PCDHA10: variants seen among roughly 807,000 people sequenced by gnomAD.
PCDHA10 encodes the protein protocadherin alpha 10.
In PCDHA10, 45 loss-of-function variants were observed where a neutral mutation model predicts 61.2. The observed-to-expected ratio is 0.74, with a 90% CI of 0.58 to 0.94. PCDHA10 has a LOEUF of 0.94. Ranked by LOEUF, PCDHA10 falls within the 40% of genes least tolerant of loss-of-function variation. The probability of loss-of-function intolerance (pLI) is 0.00; values close to 1 mark genes in which losing one functional copy is unlikely to be tolerated. For synonymous variants in PCDHA10, 602 were observed against 548.8 expected, an observed-to-expected ratio of 1.10 and a Z score of -1.35; for missense variants, 1,278 against 1,236.2, an observed-to-expected ratio of 1.03 and a Z score of -0.51.
At chr5:140,915,841 G>A (rs1315300132) in intron 1 of PCDHA10, among the ~76,000 whole-genome samples, 1 of 152,098 alleles carries the variant, frequency 6.6e-6, no homozygotes, top group African/African-American at 2.4e-5. Context: ...GATCAGCAGG[G>A]GGTGACACCA....
At chr5:140,903,149 T>C (rs1329505317) in intron 1 of PCDHA10, among the ~76,000 whole-genome samples, 1 of 152,242 alleles carries the variant, frequency 6.6e-6, no homozygotes, top group Non-Finnish European at 1.5e-5. Context: ...CTGTTTTCCA[T>C]AGTGGTTGTG....
chr5:140,952,913 A>G (rs1013502361), intron 1 of PCDHA10, among the ~76,000 whole-genome samples: 6 of 152,092 alleles, frequency 3.9e-5, no homozygotes, highest in African/African-American at 1.4e-4. Flanking sequence ...CTCATCTTAC[A>G]TGGCATGAGC....
At chr5:140,931,817 C>A (rs2087768963) in intron 1 of PCDHA10, among the ~76,000 whole-genome samples, 1 of 151,876 alleles carries the variant, frequency 6.6e-6, no homozygotes, top group Non-Finnish European at 1.5e-5. Context: ...GAAAAGAATT[C>A]TTGTCATAGT....
chr5:140,866,062 C>T (rs1312576527), intron 1 of PCDHA10: 2 of 152,092 alleles, frequency 1.3e-5, no homozygotes, highest in Non-Finnish European at 2.9e-5. Context: ...ATCAATGCCA[C>T]ACTGAGATAG....
intron 1 of PCDHA10, among the ~76,000 whole-genome samples, chr5:140,872,278 AAAGTT>A (rs2053578296): frequency 6.6e-6 from 1 of 152,138 alleles, no homozygotes; most frequent in Non-Finnish European, 1.5e-5. Context: ...TTTGAAGAAA[AAAGTT>A]AAGCCTTGCA....
intron 1 of PCDHA10, among the ~76,000 whole-genome samples, chr5:140,907,552 C>A (rs576974083): frequency 1.4e-4 from 21 of 152,278 alleles, no homozygotes; most frequent in Admixed American, 1.3e-3. Flanking sequence ...GGAAGAGGTC[C>A]AATATAATCA....
intron 1 of PCDHA10, chr5:140,859,106 A>G (rs2045724264): frequency 6.7e-6 from 1 of 150,166 alleles, no homozygotes; most frequent in African/African-American, 2.4e-5. Context: ...CACTTAGCAG[A>G]AGAAAATGTA....
At chr5:140,968,332 C>T (rs2096240603) in intron 1 of PCDHA10, 2 of 1,614,158 alleles carry the variant, frequency 1.2e-6, no homozygotes, top group Non-Finnish European at 1.7e-6. Flanking sequence ...CCTCCTATGT[C>T]TCCATTAACA....
At chr5:140,927,868 C>T (rs782143210) in intron 1 of PCDHA10, 2 of 1,614,220 alleles carry the variant, frequency 1.2e-6, no homozygotes, top group Admixed American at 1.7e-5. Flanking sequence ...CACCGCTAAA[C>T]TGCTGGTGGA....
chr5:140,982,582 T>C lies in PCDHA10; in HGVS notation c.2536+19T>C. On this transcript the variant is annotated intron_variant, in intron 3 of 3. Transcript: ENST00000307360. ...ACACCAGGTAAAGAGCTGGGGTCTC[T>C]CCATTCTTTCTTGGTTTCTGGAAAG... 6.2e-7 allele frequency: 1 copy of C among 1,612,148 alleles called. No homozygotes were observed. Among genetic ancestry groups the C allele is most frequent in the Non-Finnish European group, 8.5e-7 (1 of 1,178,720 alleles).
Position 140,884,307 on chromosome 5 carries a change from C to T in PCDHA10, c.2388+25871C>T, listed in dbSNP as rs144612735. 3,633 of 1,613,724 alleles carry T rather than the reference C, an allele frequency of 2.3e-3. 15 individuals are homozygous for T. The highest frequency in any genetic ancestry group is 9.6e-3 in the Middle Eastern group (58 of 6,062). Reference sequence around the variant, plus strand: ...AGCGGCCAAGCGCCACAGGCTTCGTCGAGGGCGTCGGCAGGCGCTGTGGGT... The same window carrying T: ...AGCGGCCAAGCGCCACAGGCTTCGTTGAGGGCGTCGGCAGGCGCTGTGGGT... On this transcript the variant is annotated intron_variant, in intron 1 of 3. Transcript: ENST00000307360.
chr5:140,916,621 C>T (rs1031371866), intron 1 of PCDHA10, among the ~76,000 whole-genome samples: 8 of 152,200 alleles, frequency 5.3e-5, no homozygotes, highest in Non-Finnish European at 1.2e-4. Flanking sequence ...TGACTCTACT[C>T]AATGCCCTAT....
chr5:140,899,197 A>G (rs1300452676), intron 1 of PCDHA10, among the ~76,000 whole-genome samples: 2 of 152,018 alleles, frequency 1.3e-5, no homozygotes, highest in Admixed American at 6.6e-5. Context: ...TCTCCTGCCT[A>G]ATTGCCCTGG....
At chr5:141,006,077 T>C (rs1554260547) in intron 3 of PCDHA10, among the ~76,000 whole-genome samples, 1 of 150,908 alleles carries the variant, frequency 6.6e-6, no homozygotes, top group East Asian at 1.9e-4. Flanking sequence ...ATCAGATTAT[T>C]GAAGGGACTT....
In PCDHA10 at chr5:140,871,306, A is replaced by T. The variant is rs782244596; in HGVS notation, c.2388+12870A>T. The T allele has an allele frequency of 3.7e-6, 6 of 1,613,964 alleles. No homozygotes were observed. In the East Asian group the frequency reaches 1.3e-4, roughly 36 times the overall value. ...CACTGAGGGCGCGTGCGCGCCGGGG[A>T]AGCCCACGCTGGTGTGCTCCCGCGC... On this transcript the variant is annotated intron_variant, in intron 1 of 3. Transcript: ENST00000307360.
intron 1 of PCDHA10, chr5:140,884,203 C>G (rs554797854): frequency 6.2e-7 from 1 of 1,613,518 alleles, no homozygotes; most frequent in African/African-American, 1.3e-5. Context: ...CGCCGCACCA[C>G]CGCCTTCTGG....
At chr5:140,941,191 T>TTTTCTTTCTTTCTTTC (rs1217097209) in intron 1 of PCDHA10, among the ~76,000 whole-genome samples, 1 of 93,206 alleles carries the variant, frequency 1.1e-5, no homozygotes, top group Admixed American at 1.2e-4. Flanking sequence ...GCTTCTTTTT[T>TTTTCTTTCTTTCTTTC]TTTCTTTCTT....
In PCDHA10 at chr5:140,979,026, A is replaced by AT. The variant is rs2096832382; in HGVS notation, c.2447+21dup. On this transcript the variant is annotated intron_variant, in intron 2 of 3. Coordinates refer to ENST00000307360, the MANE Select transcript of PCDHA10 (RefSeq NM_018901.4). ...TGCACAGGTATGTATTTCCCTCCTC[A>AT]TTCACTCAGAAGTAACCTTAACTTG... 1 of 1,613,372 alleles carries AT rather than the reference A, an allele frequency of 6.2e-7. No homozygotes were observed. The highest frequency in any genetic ancestry group is 1.3e-5 in the African/African-American group (1 of 74,882).
At chr5:140,974,284 G>C (rs1409183152) in intron 1 of PCDHA10, among the ~76,000 whole-genome samples, 2 of 152,092 alleles carry the variant, frequency 1.3e-5, no homozygotes, top group Non-Finnish European at 2.9e-5. Flanking sequence ...CAGAACTCTG[G>C]GCTCCAAGGA....
Sources: allele counts gnomAD v4.1 joint callset (sites outside exome capture counted in the v4.1 genomes callset), GRCh38; gene constraint gnomAD v4.1.1; transcripts MANE v1.5; gene names NCBI Gene and HGNC (gene_info 2026-07-23, HGNC 2026-07-21).